WDR26: variants seen among roughly 807,000 people sequenced by gnomAD.
WDR26 encodes WD repeat domain 26.
Under a neutral mutation model 84.1 loss-of-function variants are expected in WDR26, and 5 were observed. That is an observed-to-expected ratio of 0.06 (90% confidence interval 0.03 to 0.13). WDR26 has a LOEUF of 0.13. Among genes scored for constraint, WDR26 ranks in the 10% least tolerant of loss-of-function variants. WDR26 has a pLI of 1.00. For synonymous variants in WDR26, 415 were observed against 389.6 expected, an observed-to-expected ratio of 1.07 and a Z score of -0.77; for missense variants, 642 against 974.9, an observed-to-expected ratio of 0.66 and a Z score of 4.55.
chr1:224,433,037 A>G (rs980430227), intron 1 of WDR26, among the ~76,000 whole-genome samples: 5 of 152,230 alleles, frequency 3.3e-5, no homozygotes, highest in African/African-American at 1.2e-4. Flanking sequence ...CAGACTAGTT[A>G]GGGTTAGGCC....
chr1:224,401,376 C>T (rs1424647655), intron 8 of WDR26, among the ~76,000 whole-genome samples: 4 of 151,940 alleles, frequency 2.6e-5, no homozygotes, highest in Non-Finnish European at 5.9e-5. Context: ...GTAATTTTTC[C>T]CAAGCAAGAT....
chr1:224,433,403 A>G (rs1295070708), intron 1 of WDR26, among the ~76,000 whole-genome samples: 2 of 152,060 alleles, frequency 1.3e-5, no homozygotes, highest in East Asian at 3.9e-4. Context: ...GGGAGAAGTC[A>G]TTCTTTGGGT....
chr1:224,408,833 T>C (rs1673654956), intron 7 of WDR26, among the ~76,000 whole-genome samples: 1 of 152,172 alleles, frequency 6.6e-6, no homozygotes, highest in Admixed American at 6.5e-5. Context: ...TTGAATTTTG[T>C]TTTCATTTAA....
intron 3 of WDR26, among the ~76,000 whole-genome samples, chr1:224,428,838 A>C (rs1258683048): frequency 6.6e-6 from 1 of 151,566 alleles, no homozygotes. Context: ...CCCCGGAGGC[A>C]GAGGTCGCAG....
intron 7 of WDR26, among the ~76,000 whole-genome samples, chr1:224,404,802 A>T (rs1673508963): frequency 6.6e-6 from 1 of 152,244 alleles, no homozygotes; most frequent in Non-Finnish European, 1.5e-5. Context: ...TGTGTACTTG[A>T]TGAAAATATA....
chr1:224,401,126 T>C (rs1673401315), intron 8 of WDR26, 57 bp from the exon 9 acceptor site: 2 of 1,513,660 alleles, frequency 1.3e-6, no homozygotes, highest in Non-Finnish European at 1.8e-6. Flanking sequence ...AAAGGAATTA[T>C]GTGAGAAAAA....
intron 12 of WDR26, among the ~76,000 whole-genome samples, chr1:224,397,423 TAA>T (rs1431396844): frequency 2.6e-5 from 4 of 152,236 alleles, no homozygotes; most frequent in African/African-American, 9.6e-5. Flanking sequence ...AAAAGTACAC[TAA>T]TTTTTATTAC....
intron 7 of WDR26, among the ~76,000 whole-genome samples, chr1:224,405,166 T>C (rs908424973): frequency 1.3e-5 from 2 of 152,242 alleles, no homozygotes; most frequent in African/African-American, 4.8e-5. Context: ...ACGTTTCACA[T>C]AAATAGGCTT....
chr1:224,393,695 G>T, intron 13 of WDR26, 133 bp downstream of exon 13: 1 of 689,682 alleles, frequency 1.4e-6, no homozygotes, highest in Non-Finnish European at 2.2e-6. Flanking sequence ...GCCTGAGATA[G>T]GGTACAATAT....
intron 8 of WDR26, among the ~76,000 whole-genome samples, chr1:224,402,951 A>G (rs1673455944): frequency 6.6e-6 from 1 of 152,214 alleles, no homozygotes; most frequent in Non-Finnish European, 1.5e-5. Context: ...TTGAATAGGT[A>G]GAACGTTATT....
intron 7 of WDR26, among the ~76,000 whole-genome samples, chr1:224,405,153 T>C (rs956099847): frequency 2.0e-5 from 3 of 152,340 alleles, no homozygotes; most frequent in South Asian, 4.1e-4. Flanking sequence ...TTGCCTATTC[T>C]GGACGTTTCA....
chr1:224,418,048 G>A (rs1673956818), intron 6 of WDR26, among the ~76,000 whole-genome samples: 1 of 152,100 alleles, frequency 6.6e-6, no homozygotes, highest in African/African-American at 2.4e-5. Flanking sequence ...CGAAAAACTG[G>A]CTTCCCAACT....
At chr1:224,433,622 A>AACCC in intron 1 of WDR26, 62 bp downstream of exon 1, 5 of 852,336 alleles carry the variant, frequency 5.9e-6, no homozygotes, top group Non-Finnish European at 5.7e-6. Context: ...CCCTTCCCCT[A>AACCC]CCCCCCTGGA....
chr1:224,402,745 T>G (rs1673451967), intron 8 of WDR26, among the ~76,000 whole-genome samples: 1 of 152,168 alleles, frequency 6.6e-6, no homozygotes, highest in Non-Finnish European at 1.5e-5. Context: ...GCAAGCTCTG[T>G]TTTACTGAGA....
chr1:224,403,552 G>T (rs1270358645), intron 8 of WDR26, among the ~76,000 whole-genome samples: 3 of 152,172 alleles, frequency 2.0e-5, no homozygotes, highest in Non-Finnish European at 4.4e-5. Flanking sequence ...TAACTACAGG[G>T]TTTCTAAAAC....
At chr1:224,396,663 A>G (rs1055762542) in intron 12 of WDR26, among the ~76,000 whole-genome samples, 11 of 152,180 alleles carry the variant, frequency 7.2e-5, no homozygotes, top group Non-Finnish European at 1.5e-5. Context: ...AGAAAGAAAG[A>G]ATTGATGAAT....
At chr1:224,418,462 A>T in intron 5 of WDR26, 46 bp from the exon 6 acceptor site, 2 of 1,519,410 alleles carry the variant, frequency 1.3e-6, no homozygotes, top group Non-Finnish European at 1.8e-6. Flanking sequence ...AATAAACTGT[A>T]AACTTTTATT....
intron 8 of WDR26, among the ~76,000 whole-genome samples, chr1:224,403,139 G>GCCT (rs1446495480): frequency 6.6e-6 from 1 of 151,642 alleles, no homozygotes; most frequent in East Asian, 1.9e-4. Flanking sequence ...ATCCCAGCCT[G>GCCT]CCTCCTGGGT....
intron 6 of WDR26, among the ~76,000 whole-genome samples, chr1:224,414,303 G>A (rs1572191161): frequency 1.3e-5 from 2 of 148,526 alleles, no homozygotes; most frequent in Non-Finnish European, 3.0e-5. Flanking sequence ...GCAGGGTCTT[G>A]CCATGTTGCC....
Sources: allele counts gnomAD v4.1 joint callset (sites outside exome capture counted in the v4.1 genomes callset), GRCh38; gene constraint gnomAD v4.1.1; transcripts MANE v1.5; gene names NCBI Gene and HGNC (gene_info 2026-07-23, HGNC 2026-07-21).